POFUT3: variants seen among roughly 807,000 people sequenced by gnomAD.
POFUT3 encodes protein O-fucosyltransferase 3, also known as GDP-fucose protein O-fucosyltransferase 3.
At chr8:33,387,810 A>C in the POFUT3 span, among the ~76,000 whole-genome samples, 1 of 152,208 alleles carries the variant, frequency 6.6e-6, no homozygotes, top group South Asian at 2.1e-4. Context: ...TCTCAAAAAA[A>C]AAGAAGAACA....
At chr8:33,389,480 C>T in the POFUT3 span, 28 of 1,614,220 alleles carry the variant, frequency 1.7e-5, 1 homozygote, top group South Asian at 2.2e-4. Context: ...CATCAGCTCG[C>T]GAACATAGCT....
chr8:33,336,155 T>A, the POFUT3 span, among the ~76,000 whole-genome samples: 2 of 152,232 alleles, frequency 1.3e-5, no homozygotes, highest in Non-Finnish European at 2.9e-5. Flanking sequence ...TCTCTATCAT[T>A]TTTTAAAGTC....
At chr8:33,345,206 G>A in the POFUT3 span, among the ~76,000 whole-genome samples, 2 of 151,948 alleles carry the variant, frequency 1.3e-5, no homozygotes, top group African/African-American at 4.8e-5. Flanking sequence ...AATGTATGCA[G>A]AGTAATTTCA....
chr8:33,325,200 C>T, the POFUT3 span, among the ~76,000 whole-genome samples: 4 of 152,158 alleles, frequency 2.6e-5, no homozygotes, highest in Non-Finnish European at 5.9e-5. Flanking sequence ...AACTACCACA[C>T]TTTTCACTAT....
At chr8:33,314,471 A>G in the POFUT3 span, among the ~76,000 whole-genome samples, 12 of 152,222 alleles carry the variant, frequency 7.9e-5, no homozygotes, top group Admixed American at 3.9e-4. Context: ...CTGTGAAATC[A>G]TGAGCAAGTT....
the POFUT3 span, among the ~76,000 whole-genome samples, chr8:33,380,911 A>C: frequency 6.6e-6 from 1 of 152,120 alleles, no homozygotes; most frequent in African/African-American, 2.4e-5. Flanking sequence ...AAGCAGGAGA[A>C]TGGCTTGACC....
the POFUT3 span, among the ~76,000 whole-genome samples, chr8:33,410,578 C>T: frequency 1.3e-5 from 2 of 152,006 alleles, no homozygotes; most frequent in Non-Finnish European, 2.9e-5. Flanking sequence ...GTCTCCCACT[C>T]AATACACATT....
At chr8:33,403,928 T>C in the POFUT3 span, among the ~76,000 whole-genome samples, 4,461 of 152,178 alleles carry the variant, frequency 0.029, 221 homozygotes, top group African/African-American at 0.1. Flanking sequence ...GCAAGGCTTC[T>C]TGCTTCCTGT....
At chr8:33,450,620 TAGGTTGGAGTC>T in the POFUT3 span, among the ~76,000 whole-genome samples, 2 of 152,156 alleles carry the variant, frequency 1.3e-5, no homozygotes, top group Non-Finnish European at 2.9e-5. Context: ...GCTTGGAAGG[TAGGTTGGAGTC>T]AGATTACACA....
the POFUT3 span, among the ~76,000 whole-genome samples, chr8:33,341,232 G>A: frequency 1.3e-5 from 2 of 151,716 alleles, no homozygotes; most frequent in Non-Finnish European, 2.9e-5. Context: ...GGTCAGGAGT[G>A]CAAACCAGTC....
the POFUT3 span, among the ~76,000 whole-genome samples, chr8:33,384,819 T>TA: frequency 8.6e-5 from 13 of 151,640 alleles, no homozygotes; most frequent in South Asian, 2.3e-3. Flanking sequence ...AGAATCTGTC[T>TA]AAAAAAAACA....
the POFUT3 span, among the ~76,000 whole-genome samples, chr8:33,383,903 C>T: frequency 6.6e-6 from 1 of 151,446 alleles, no homozygotes; most frequent in Non-Finnish European, 1.5e-5. Context: ...TTTTCCCCAT[C>T]ATAATCCCCA....
the POFUT3 span, among the ~76,000 whole-genome samples, chr8:33,335,944 G>A: frequency 6.6e-6 from 1 of 152,040 alleles, no homozygotes; most frequent in African/African-American, 2.4e-5. Context: ...AGAGATGGAG[G>A]AGGAGGCAGG....
the POFUT3 span, among the ~76,000 whole-genome samples, chr8:33,383,599 G>C: frequency 4.6e-5 from 7 of 152,166 alleles, no homozygotes; most frequent in Admixed American, 2.0e-4. Flanking sequence ...AGGAGTTCAA[G>C]ACCAGCCTGG....
the POFUT3 span, among the ~76,000 whole-genome samples, chr8:33,410,896 T>C: frequency 6.6e-6 from 1 of 152,136 alleles, no homozygotes; most frequent in Non-Finnish European, 1.5e-5. Flanking sequence ...CACAGTGCCG[T>C]CTGCCCAGGC....
chr8:33,332,711 G>T, the POFUT3 span, among the ~76,000 whole-genome samples: 4 of 152,068 alleles, frequency 2.6e-5, no homozygotes, highest in Non-Finnish European at 2.9e-5. Context: ...CTTCTCTTCT[G>T]CATCAACAAT....
At chr8:33,405,961 A>G in the POFUT3 span, among the ~76,000 whole-genome samples, 3 of 152,220 alleles carry the variant, frequency 2.0e-5, no homozygotes, top group Admixed American at 1.3e-4. Context: ...GAAAACTGGT[A>G]TAGCTTTTTC....
the POFUT3 span, among the ~76,000 whole-genome samples, chr8:33,373,637 G>A: frequency 6.6e-6 from 1 of 151,526 alleles, no homozygotes; most frequent in South Asian, 2.1e-4. Context: ...TTCAGGATTT[G>A]ACCTTCCAAT....
the POFUT3 span, chr8:33,436,397 C>A: frequency 7.1e-7 from 1 of 1,417,914 alleles, no homozygotes; most frequent in South Asian, 1.2e-5. Context: ...CCGTCTGGAC[C>A]ATACTCCTCA....
Sources: allele counts gnomAD v4.1 joint callset (sites outside exome capture counted in the v4.1 genomes callset), GRCh38; gene constraint gnomAD v4.1.1; transcripts MANE v1.5; gene names NCBI Gene and HGNC (gene_info 2026-07-23, HGNC 2026-07-21).